MCPH1: variants seen among roughly 807,000 people sequenced by gnomAD.
MCPH1 encodes the protein microcephalin 1, also known as microcephalin.
In MCPH1, 104 loss-of-function variants were observed where a neutral mutation model predicts 84.5. The observed-to-expected ratio is 1.23, with a 90% CI of 1.05 to 1.45. The LOEUF is 1.45. Among genes scored for constraint, MCPH1 ranks in the 40% most tolerant of loss-of-function variants. MCPH1 has a pLI of 0.00. For synonymous variants in MCPH1, 514 were observed against 366.8 expected, an observed-to-expected ratio of 1.40 and a Z score of -4.58; for missense variants, 1,498 against 1,005.7, an observed-to-expected ratio of 1.49 and a Z score of -6.62.
chr8:6,414,897 C>T lies in MCPH1; in HGVS notation c.233+14C>T. 3 of 1,612,388 alleles carry T rather than the reference C, an allele frequency of 1.9e-6. No individual in the cohort carries two copies. The highest frequency in any genetic ancestry group is 2.5e-6 in the Non-Finnish European group (3 of 1,179,110). On this transcript the variant is annotated intron_variant, in intron 3 of 13. Coordinates refer to ENST00000344683, the MANE Select transcript of MCPH1 (RefSeq NM_024596.5). ...CTGGGTGGAAAAGTAAGCAGTTTCT[C>T]TCTTACTTTTTTTCCTTAAGTATCT...
chr8:6,518,236 C>G (rs1353752595), intron 12 of MCPH1, among the ~76,000 whole-genome samples: 1 of 152,204 alleles, frequency 6.6e-6, no homozygotes, highest in Non-Finnish European at 1.5e-5. Flanking sequence ...TGTCCCCCCT[C>G]TTGACACTCC....
chr8:6,452,453 G>A (rs773977360), intron 8 of MCPH1, among the ~76,000 whole-genome samples: 1 of 152,218 alleles, frequency 6.6e-6, no homozygotes, highest in Non-Finnish European at 1.5e-5. Flanking sequence ...CGAAGTCAAT[G>A]AATTGTGTGT....
chr8:6,603,009 C>G (rs1321800912), intron 12 of MCPH1, among the ~76,000 whole-genome samples: 5 of 151,858 alleles, frequency 3.3e-5, no homozygotes, highest in Non-Finnish European at 7.4e-5. Context: ...GGCCGGTGTA[C>G]TATAAACCCA....
At chr8:6,485,491 C>G (rs955605382) in intron 11 of MCPH1, among the ~76,000 whole-genome samples, 1 of 151,948 alleles carries the variant, frequency 6.6e-6, no homozygotes, top group Non-Finnish European at 1.5e-5. Flanking sequence ...CCTATACTTC[C>G]TGTTAGCACT....
chr8:6,611,101 CA>C (rs1830216777), intron 12 of MCPH1, among the ~76,000 whole-genome samples: 6 of 147,934 alleles, frequency 4.1e-5, no homozygotes, highest in African/African-American at 1.6e-4. Flanking sequence ...TACACACACA[CA>C]TACACACACA....
chr8:6,548,497 T>C (rs1002999055), intron 12 of MCPH1, among the ~76,000 whole-genome samples: 4 of 152,152 alleles, frequency 2.6e-5, no homozygotes, highest in African/African-American at 7.2e-5. Flanking sequence ...GGGTTTTTCA[T>C]TGCAGCTTAC....
At chr8:6,407,193 C>G (rs1797855731) in intron 1 of MCPH1, 1 of 171,084 alleles carries the variant, frequency 5.8e-6, no homozygotes, top group Non-Finnish European at 1.2e-5. Flanking sequence ...TGTTCGACCC[C>G]CTCTGAGGCC....
At chr8:6,564,041 G>A (rs1586648278) in intron 12 of MCPH1, among the ~76,000 whole-genome samples, 1 of 150,768 alleles carries the variant, frequency 6.6e-6, no homozygotes, top group African/African-American at 2.5e-5. Flanking sequence ...GAGTGCAGTG[G>A]GGCAATGTTG....
chr8:6,487,387 G>A lies in MCPH1; in HGVS notation c.2136+6511G>A, dbSNP rs190423516. ...TAGAATAACACACTCAGTTCATTCCGTTCACGCCTCTCATTTTACATTAAA... is the reference window on the plus strand; with the variant it reads ...TAGAATAACACACTCAGTTCATTCCATTCACGCCTCTCATTTTACATTAAA... On this transcript the variant is annotated intron_variant, in intron 11 of 13. Coordinates refer to ENST00000344683, the MANE Select transcript of MCPH1 (RefSeq NM_024596.5). Among the ~76,000 whole-genome samples, 19 of 152,220 alleles carry A rather than the reference G, an allele frequency of 1.2e-4. No individual in the cohort carries two copies. In the East Asian group the frequency reaches 1.7e-3, roughly 14 times the overall value.
chr8:6,421,627 A>G (rs1585646129), intron 3 of MCPH1, among the ~76,000 whole-genome samples: 1 of 152,170 alleles, frequency 6.6e-6, no homozygotes, highest in Admixed American at 6.5e-5. Flanking sequence ...ATACCGTTTT[A>G]TTGGAACACA....
intron 12 of MCPH1, among the ~76,000 whole-genome samples, chr8:6,617,900 A>AATCATCTATCT (rs1554480976): frequency 1.4e-5 from 2 of 143,014 alleles, no homozygotes; most frequent in Admixed American, 7.1e-5. Flanking sequence ...CTATCTATCT[A>AATCATCTATCT]ATCTATCTAT....
intron 12 of MCPH1, among the ~76,000 whole-genome samples, chr8:6,518,225 C>T (rs1393803107): frequency 1.3e-5 from 2 of 152,204 alleles, no homozygotes; most frequent in African/African-American, 2.4e-5. Flanking sequence ...CATGCATCCT[C>T]TGTCCCCCCT....
At chr8:6,520,724 A>G (rs1243941542) in intron 12 of MCPH1, among the ~76,000 whole-genome samples, 2 of 152,234 alleles carry the variant, frequency 1.3e-5, no homozygotes, top group Admixed American at 1.3e-4. Flanking sequence ...GAGACGCTGC[A>G]AAGTGAAACA....
At position 6,466,585 on chromosome 8, in the gene MCPH1, G is replaced by A. The variant is rs1049033171; in HGVS notation, c.1936-11009G>A. ...GTCTCCCAAAGTGCTGGGATTACAG[G>A]CATGAGCCACCACGCGCAGCCCTTT... On this transcript the variant is annotated intron_variant, in intron 9 of 13. Transcript: ENST00000344683. Among the ~76,000 whole-genome samples, 9 of 152,294 alleles carry A rather than the reference G, an allele frequency of 5.9e-5. No individual in the cohort carries two copies. The East Asian group carries it at 1.7e-3, about 29-fold the overall frequency.
At chr8:6,471,098 A>G (rs955165289) in intron 9 of MCPH1, among the ~76,000 whole-genome samples, 5 of 152,098 alleles carry the variant, frequency 3.3e-5, no homozygotes, top group African/African-American at 1.2e-4. Flanking sequence ...GGGGTGACCA[A>G]CATACTCAGT....
chr8:6,572,068 A>G (rs1288818907), intron 12 of MCPH1, among the ~76,000 whole-genome samples: 1 of 152,172 alleles, frequency 6.6e-6, no homozygotes, highest in East Asian at 1.9e-4. Context: ...TTCCATTTCA[A>G]GTAAGGGGTC....
intron 9 of MCPH1, among the ~76,000 whole-genome samples, chr8:6,468,545 G>C (rs779981927): frequency 2.6e-5 from 4 of 152,136 alleles, no homozygotes; most frequent in Non-Finnish European, 5.9e-5. Flanking sequence ...GTTAGATACC[G>C]AGTTTGCTAG....
chr8:6,626,336 C>A (rs948373137), intron 13 of MCPH1: 9 of 985,142 alleles, frequency 9.1e-6, no homozygotes, highest in Non-Finnish European at 1.1e-5. Flanking sequence ...ACGGGGTTAT[C>A]GGAAAGGGCA....
At chr8:6,542,761 G>C (rs1259277187) in intron 12 of MCPH1, among the ~76,000 whole-genome samples, 1 of 152,144 alleles carries the variant, frequency 6.6e-6, no homozygotes, top group Non-Finnish European at 1.5e-5. Context: ...GTGGAGCTCT[G>C]TGGAGGAGGT....
Sources: allele counts gnomAD v4.1 joint callset (sites outside exome capture counted in the v4.1 genomes callset), GRCh38; gene constraint gnomAD v4.1.1; transcripts MANE v1.5; gene names NCBI Gene and HGNC (gene_info 2026-07-23, HGNC 2026-07-21).